The following TMEM132D variants were observed in gnomAD, a reference collection of about 807,000 sequenced individuals.
The protein encoded by TMEM132D is mature OL transmembrane protein.
Under a neutral mutation model 62.3 loss-of-function variants are expected in TMEM132D, and 21 were observed. The ratio of observed to expected loss-of-function variants is 0.34; its 90% CI spans 0.24 to 0.49. TMEM132D has a LOEUF of 0.49. Ranked by LOEUF, TMEM132D falls within the 20% of genes least tolerant of loss-of-function variation. The pLI is 0.99. For synonymous variants in TMEM132D, 621 were observed against 575.6 expected (o/e 1.08, Z -1.13); for missense variants, 1,346 against 1,402.8 (o/e 0.96, Z 0.65).
rs537055294 is a variant in TMEM132D, at chr12:129,830,118, G to A, written c.79+73143C>T. ...CCTGCATCCTCCAACTGCAAATTAA[G>A]GCTGATGGCAATATCTACTTCATTC... On this transcript the variant is annotated intron_variant, in intron 1 of 8. Coordinates refer to ENST00000422113, the MANE Select transcript of TMEM132D (RefSeq NM_133448.3). 8.3e-4 allele frequency among the ~76,000 whole-genome samples: 127 copies of A among 152,252 alleles called. 3 individuals are homozygous for A. The South Asian group carries it at 0.026, about 31-fold the overall frequency.
chr12:129,873,685 C>T (rs796912384), intron 1 of TMEM132D, among the ~76,000 whole-genome samples: 1 of 152,216 alleles, frequency 6.6e-6, no homozygotes, highest in African/African-American at 2.4e-5. Context: ...GGATCAAATG[C>T]GCCAGAAGTA....
chr12:129,128,817 G>A (rs1468536714), intron 5 of TMEM132D, among the ~76,000 whole-genome samples: 1 of 151,768 alleles, frequency 6.6e-6, no homozygotes, highest in Admixed American at 6.6e-5. Flanking sequence ...TGTGCCCATT[G>A]TTTAGCTCCA....
chr12:129,498,992 T>C (rs1217615446), intron 3 of TMEM132D, among the ~76,000 whole-genome samples: 1 of 152,204 alleles, frequency 6.6e-6, no homozygotes, highest in African/African-American at 2.4e-5. Flanking sequence ...TGGAATAATA[T>C]GCCTGCCAAA....
chr12:129,523,090 A>G (rs1269937328), intron 3 of TMEM132D, among the ~76,000 whole-genome samples: 8 of 147,364 alleles, frequency 5.4e-5, no homozygotes, highest in Admixed American at 4.8e-4. Context: ...AGGGCTGCAC[A>G]TGTGTGCATA....
At chr12:129,889,478 C>G (rs937576605) in intron 1 of TMEM132D, among the ~76,000 whole-genome samples, 1 of 152,140 alleles carries the variant, frequency 6.6e-6, no homozygotes, top group Non-Finnish European at 1.5e-5. Context: ...ACTGAGACAC[C>G]GGCATTACCT....
At chr12:129,448,955 C>T (rs1873186983) in intron 3 of TMEM132D, among the ~76,000 whole-genome samples, 1 of 152,192 alleles carries the variant, frequency 6.6e-6, no homozygotes, top group Admixed American at 6.5e-5. Flanking sequence ...AGTAGGTGTC[C>T]TGGATCTCTG....
intron 4 of TMEM132D, among the ~76,000 whole-genome samples, chr12:129,271,711 T>C (rs2135601226): frequency 6.6e-6 from 1 of 151,952 alleles, no homozygotes; most frequent in Non-Finnish European, 1.5e-5. Flanking sequence ...GCTTCCAGCT[T>C]TATCCATGTC....
intron 4 of TMEM132D, among the ~76,000 whole-genome samples, chr12:129,246,150 G>T (rs567029120): frequency 6.6e-6 from 1 of 152,116 alleles, no homozygotes; most frequent in Non-Finnish European, 1.5e-5. Flanking sequence ...CTCATGTGCA[G>T]ACTGTAAACC....
chr12:129,308,775 G>A (rs1198127726), intron 4 of TMEM132D, among the ~76,000 whole-genome samples: 1 of 152,154 alleles, frequency 6.6e-6, no homozygotes, highest in Non-Finnish European at 1.5e-5. Flanking sequence ...CAATTTTGGG[G>A]CTATTCTTAG....
At chr12:129,408,238 T>C (rs572112544) in intron 3 of TMEM132D, among the ~76,000 whole-genome samples, 36 of 152,364 alleles carry the variant, frequency 2.4e-4, no homozygotes, top group African/African-American at 7.9e-4. Flanking sequence ...TTTTCTTCAT[T>C]ATGCCTATTC....
intron 3 of TMEM132D, among the ~76,000 whole-genome samples, chr12:129,372,399 C>T (rs992269624): frequency 6.6e-6 from 1 of 152,198 alleles, no homozygotes; most frequent in African/African-American, 2.4e-5. Context: ...TTTACAGCTG[C>T]TCCTCATCGT....
At chr12:129,510,213 G>C (rs1441162455) in intron 3 of TMEM132D, among the ~76,000 whole-genome samples, 1 of 152,124 alleles carries the variant, frequency 6.6e-6, no homozygotes, top group African/African-American at 2.4e-5. Flanking sequence ...GCATTTCTCT[G>C]ATGATCAATG....
In TMEM132D at chr12:129,252,988, A is replaced by G. The variant is rs191379744; in HGVS notation, c.1300-43325T>C. ...GTTCTCACTCATAGGTGGGAATTGA[A>G]CAATGATAACACATGGACACAGGAA... is the stretch of plus-strand genomic sequence containing the variant. On this transcript the variant is annotated intron_variant, in intron 4 of 8. Coordinates refer to ENST00000422113, the MANE Select transcript of TMEM132D (RefSeq NM_133448.3). Among the ~76,000 whole-genome samples, 39 of 145,334 alleles carry G rather than the reference A, an allele frequency of 2.7e-4. No homozygotes were observed. The East Asian group carries it at 8.3e-3, about 31-fold the overall frequency.
At chr12:129,103,741 C>A (rs188127853) in intron 5 of TMEM132D, among the ~76,000 whole-genome samples, 1 of 152,174 alleles carries the variant, frequency 6.6e-6, no homozygotes, top group East Asian at 1.9e-4. Context: ...TTCCTATACA[C>A]CAACAACAGA....
chr12:129,598,519 T>C (rs545086219), intron 2 of TMEM132D, among the ~76,000 whole-genome samples: 6 of 152,306 alleles, frequency 3.9e-5, no homozygotes, highest in Admixed American at 1.3e-4. Flanking sequence ...TTGTTGCTTC[T>C]AAGTCTTTAC....
chr12:129,151,779 T>C (rs1877079694), intron 5 of TMEM132D, among the ~76,000 whole-genome samples: 1 of 152,230 alleles, frequency 6.6e-6, no homozygotes, highest in Non-Finnish European at 1.5e-5. Flanking sequence ...TCTTCTGATT[T>C]TTCTGTGCTC....
chr12:129,197,013 CA>C (rs1482480452), intron 5 of TMEM132D, among the ~76,000 whole-genome samples: 3 of 152,094 alleles, frequency 2.0e-5, no homozygotes, highest in African/African-American at 7.2e-5. Context: ...AGTCCATGAG[CA>C]GAGATTGGCA....
At chr12:129,463,035 A>T (rs1873733562) in intron 3 of TMEM132D, among the ~76,000 whole-genome samples, 3 of 152,194 alleles carry the variant, frequency 2.0e-5, no homozygotes, top group Admixed American at 2.0e-4. Flanking sequence ...AAAGAATCTG[A>T]TCCAAGGGAC....
intron 3 of TMEM132D, among the ~76,000 whole-genome samples, chr12:129,502,290 C>T (rs772238227): frequency 3.3e-5 from 5 of 152,168 alleles, no homozygotes; most frequent in Admixed American, 6.5e-5. Flanking sequence ...TGAGCCACGG[C>T]GCCCGGCCTT....
Sources: allele counts gnomAD v4.1 joint callset (sites outside exome capture counted in the v4.1 genomes callset), GRCh38; gene constraint gnomAD v4.1.1; transcripts MANE v1.5; gene names NCBI Gene and HGNC (gene_info 2026-07-23, HGNC 2026-07-21).